Variants in PDZRN4 observed in about 807,000 individuals in gnomAD.
PDZRN4 encodes the protein PDZ domain containing ring finger 4, also known as PDZ domain-containing RING finger protein 4.
Under a neutral mutation model 99.0 loss-of-function variants are expected in PDZRN4, and 70 were observed. The observed-to-expected ratio is 0.71, with a 90% confidence interval of 0.58 to 0.86. PDZRN4 has a LOEUF of 0.86. PDZRN4 is among the 40% of genes least tolerant of loss of function. The probability of loss-of-function intolerance (pLI) is 0.00; values close to 1 mark genes in which losing one functional copy is unlikely to be tolerated. For synonymous variants in PDZRN4, 551 were observed against 501.6 expected (o/e 1.10, Z -1.32); for missense variants, 1,474 against 1,331.2 (o/e 1.11, Z -1.67).
In PDZRN4 at chr12:41,567,886, A is replaced by G; in HGVS notation, c.1571A>G (p.Asn524Ser). The change falls in exon 9 of 10, where the codon AAT (asparagine) becomes AGT (serine). Residue 524 changes from asparagine (N) to serine (S), a missense_variant. Transcript: ENST00000402685. The part of the protein sequence containing the change: ...EHNEAMQPTA[N>S]EVEQPKKQEE... ...AATGAAGCAATGCAGCCCACTGCCA[A>G]TGAGGTGGAGCAGGTAGGGCCAACA... The G allele has an allele frequency of 1.2e-6, 2 of 1,605,702 alleles. No individual in the cohort carries two copies. Among genetic ancestry groups the G allele is most frequent in the Non-Finnish European group, 1.7e-6 (2 of 1,173,416 alleles).
chr12:41,363,530 A>T (rs1029119733), intron 3 of PDZRN4, among the ~76,000 whole-genome samples: 15 of 151,986 alleles, frequency 9.9e-5, no homozygotes, highest in African/African-American at 3.6e-4. Context: ...ACTGTTTGGG[A>T]TGCATCTGTT....
chr12:41,446,553 T>C (rs1952730451), intron 3 of PDZRN4, among the ~76,000 whole-genome samples: 2 of 151,890 alleles, frequency 1.3e-5, no homozygotes, highest in Admixed American at 1.3e-4. Context: ...AAGCAAAGTT[T>C]GGGAAAGAGC....
intron 3 of PDZRN4, among the ~76,000 whole-genome samples, chr12:41,404,920 C>G (rs1403371862): frequency 1.3e-5 from 2 of 152,076 alleles, no homozygotes; most frequent in African/African-American, 4.8e-5. Flanking sequence ...ACTGGCTAGT[C>G]ATTTGAAGAA....
intron 3 of PDZRN4, among the ~76,000 whole-genome samples, chr12:41,404,834 A>G (rs1952332744): frequency 6.8e-6 from 1 of 146,578 alleles, no homozygotes; most frequent in African/African-American, 2.5e-5. Context: ...TCATACGCTT[A>G]CATCTAATCT....
chr12:41,533,641 G>A (rs575193852), intron 5 of PDZRN4, among the ~76,000 whole-genome samples: 6 of 152,214 alleles, frequency 3.9e-5, no homozygotes, highest in Admixed American at 1.3e-4. Flanking sequence ...TGTTTTAGAT[G>A]TTTTTCTTCT....
At chr12:41,540,947 C>G (rs538823345) in intron 5 of PDZRN4, among the ~76,000 whole-genome samples, 10 of 150,268 alleles carry the variant, frequency 6.7e-5, no homozygotes, top group Admixed American at 4.6e-4. Context: ...GTTTCGGAGA[C>G]GGAGTCTCAC....
intron 3 of PDZRN4, among the ~76,000 whole-genome samples, chr12:41,458,853 T>C (rs1952843374): frequency 6.6e-6 from 1 of 152,100 alleles, no homozygotes; most frequent in African/African-American, 2.4e-5. Context: ...GCAGCACAGT[T>C]TGGTGACTGA....
At chr12:41,249,369 G>A (rs1259856915) in intron 3 of PDZRN4, among the ~76,000 whole-genome samples, 1 of 152,178 alleles carries the variant, frequency 6.6e-6, no homozygotes, top group Non-Finnish European at 1.5e-5. Flanking sequence ...GACTTGTACA[G>A]ATTGTATACA....
intron 5 of PDZRN4, among the ~76,000 whole-genome samples, chr12:41,537,674 C>G (rs1225553688): frequency 6.6e-6 from 1 of 152,092 alleles, no homozygotes; most frequent in African/African-American, 2.4e-5. Context: ...TAAGAAGATT[C>G]ATCAGGCAGT....
At chr12:41,255,331 G>T (rs371620039) in intron 3 of PDZRN4, among the ~76,000 whole-genome samples, 1 of 152,166 alleles carries the variant, frequency 6.6e-6, no homozygotes, top group South Asian at 2.1e-4. Context: ...TATAGAGTTC[G>T]ATAATTAAGC....
intron 3 of PDZRN4, among the ~76,000 whole-genome samples, chr12:41,268,082 T>C (rs1591991157): frequency 1.3e-5 from 2 of 152,036 alleles, no homozygotes; most frequent in African/African-American, 4.8e-5. Context: ...TAGGTTTCTG[T>C]TATACTAAGT....
Position 41,188,327 on chromosome 12 carries a change from C to T in PDZRN4, c.-129C>T. On this transcript the variant is annotated 5_prime_UTR_variant, in exon 1 of 10. Coordinates refer to ENST00000402685, the MANE Select transcript of PDZRN4 (RefSeq NM_001164595.2). ...AGCCAAACAAACAGTGAGATCACAC[C>T]TCCCACCCGCCACCTCCCTCCACTG... is the stretch of plus-strand genomic sequence containing the variant. 1 of 815,574 alleles carries T rather than the reference C, an allele frequency of 1.2e-6. No individual in the cohort carries two copies. Among genetic ancestry groups the T allele is most frequent in the Non-Finnish European group, 1.8e-6 (1 of 541,086 alleles). The allele number at this position is 815,574 out of a possible 1,614,324, so 50.5% of individuals were successfully genotyped here. A position where few individuals can be genotyped will look rare whatever the true frequency, so the allele number is the denominator to read the frequency against.
chr12:41,555,827 C>T, intron 7 of PDZRN4, 67 bp downstream of exon 7: 2 of 1,258,454 alleles, frequency 1.6e-6, no homozygotes, highest in Non-Finnish European at 2.3e-6. Flanking sequence ...TACTTTGTTT[C>T]TTGTAAACTG....
intron 3 of PDZRN4, among the ~76,000 whole-genome samples, chr12:41,218,273 G>T (rs1468033870): frequency 6.6e-6 from 1 of 151,930 alleles, no homozygotes; most frequent in African/African-American, 2.4e-5. Context: ...TTGATACCTT[G>T]TCCCTTGGTC....
At chr12:41,539,867 C>T (rs555035388) in intron 5 of PDZRN4, among the ~76,000 whole-genome samples, 1 of 152,246 alleles carries the variant, frequency 6.6e-6, no homozygotes, top group East Asian at 1.9e-4. Context: ...GAAATAGATA[C>T]ATGTAGACCC....
At chr12:41,449,478 A>C (rs1247954226) in intron 3 of PDZRN4, among the ~76,000 whole-genome samples, 1 of 152,162 alleles carries the variant, frequency 6.6e-6, no homozygotes, top group Non-Finnish European at 1.5e-5. Flanking sequence ...TCAGATGATG[A>C]AGGTGACACA....
chr12:41,541,591 C>G (rs1392346338), intron 5 of PDZRN4, among the ~76,000 whole-genome samples: 1 of 151,696 alleles, frequency 6.6e-6, no homozygotes, highest in Non-Finnish European at 1.5e-5. Flanking sequence ...GTAGCTGGGA[C>G]TACAGGCACC....
chr12:41,388,509 C>A lies in PDZRN4; in HGVS notation c.844-117947C>A, dbSNP rs377356604. ...ATGTAAGCTACTGGAGGATTTTGAG[C>A]AAATCTCTTGTGATATCTGCTTTAC... On this transcript the variant is annotated intron_variant, in intron 3 of 9. Transcript: ENST00000402685. Among the ~76,000 whole-genome samples the A allele has an allele frequency of 3.0e-4, 45 of 152,260 alleles. No homozygotes were observed. In the East Asian group the frequency reaches 4.8e-3, roughly 16 times the overall value.
intron 3 of PDZRN4, among the ~76,000 whole-genome samples, chr12:41,236,856 A>G (rs1034933083): frequency 1.3e-5 from 2 of 152,262 alleles, no homozygotes; most frequent in Non-Finnish European, 1.5e-5. Flanking sequence ...TTTCTTTCAT[A>G]GCCCCATAAC....
Sources: gnomAD v4.1 joint callset for allele counts (sites outside exome capture counted in the v4.1 genomes callset) on GRCh38, gnomAD v4.1.1 for gene constraint, MANE v1.5 for transcripts, NCBI Gene and HGNC (gene_info 2026-07-23, HGNC 2026-07-21) for gene names.